The following EYS variants were observed in gnomAD, a reference collection of about 807,000 sequenced individuals.
EYS encodes the protein EGF-like photoreceptor maintenance factor.
EYS carries 250 observed loss-of-function variants against 282.1 expected under a neutral mutation model. That is an observed-to-expected ratio of 0.89 (90% CI 0.80 to 0.98). EYS has a LOEUF of 0.98. Among genes scored for constraint, EYS ranks in the 50% least tolerant of loss-of-function variants. The pLI is 0.00. For synonymous variants in EYS, 1,355 were observed against 1,282.9 expected (o/e 1.06, Z -1.20); for missense variants, 4,016 against 3,709.0 (o/e 1.08, Z -2.15).
intron 14 of EYS, among the ~76,000 whole-genome samples, chr6:64,962,354 T>G (rs989323887): frequency 3.3e-5 from 5 of 152,146 alleles, no homozygotes; most frequent in Non-Finnish European, 7.3e-5. Flanking sequence ...AATTTATCTA[T>G]GTATCTCTTT....
At chr6:63,819,504 A>G (rs1771266090) in intron 36 of EYS, among the ~76,000 whole-genome samples, 1 of 152,192 alleles carries the variant, frequency 6.6e-6, no homozygotes, top group African/African-American at 2.4e-5. Flanking sequence ...GATTGTGGAA[A>G]ATATAGCACC....
At chr6:64,754,364 G>A (rs1006164325) in intron 22 of EYS, among the ~76,000 whole-genome samples, 9 of 136,468 alleles carry the variant, frequency 6.6e-5, no homozygotes, top group African/African-American at 2.5e-4. Context: ...CATCTCTCTG[G>A]AAAACCCAGG....
chr6:65,167,395 G>A (rs1764997861), intron 12 of EYS, among the ~76,000 whole-genome samples: 1 of 151,240 alleles, frequency 6.6e-6, no homozygotes, highest in South Asian at 2.1e-4. Flanking sequence ...ATAGTGGCAA[G>A]GATTGCACAA....
In EYS at chr6:63,786,171, A is replaced by T. The variant is rs546008870; in HGVS notation, c.7723+1934T>A. 2.4e-4 allele frequency: 36 copies of T among 147,812 alleles called. 1 individual carries two copies. The highest frequency in any genetic ancestry group is 2.1e-3 in the Admixed American group (31 of 14,488). The allele number at this position is 147,812 out of a possible 1,614,324, so 9.2% of individuals were successfully genotyped here. A position where few individuals can be genotyped will look rare whatever the true frequency, so the allele number is the denominator to read the frequency against. On this transcript the variant is annotated intron_variant, in intron 39 of 42. Transcript: ENST00000503581. The stretch of plus-strand genomic sequence containing the variant: ...GGTTGCAGTGAGCTGAGATGGCACC[A>T]CTGTACTCCAGCCTTGATGACACAG...
intron 2 of EYS, among the ~76,000 whole-genome samples, chr6:65,555,656 T>C (rs1768771725): frequency 6.6e-6 from 1 of 152,188 alleles, no homozygotes; most frequent in Non-Finnish European, 1.5e-5. Context: ...CACTTCATTA[T>C]TGTCTAGCCG....
intron 12 of EYS, among the ~76,000 whole-genome samples, chr6:65,060,456 G>A (rs552931722): frequency 1.3e-5 from 2 of 151,938 alleles, no homozygotes; most frequent in East Asian, 3.9e-4. Context: ...CAAATTTAGA[G>A]GATGATGTAA....
chr6:64,912,173 G>T (rs914891062), intron 16 of EYS, among the ~76,000 whole-genome samples: 1 of 151,764 alleles, frequency 6.6e-6, no homozygotes, highest in Admixed American at 6.6e-5. Context: ...AACACTACAT[G>T]AACAGGATTG....
chr6:65,228,510 T>A (rs1012428796), intron 12 of EYS, among the ~76,000 whole-genome samples: 1 of 151,994 alleles, frequency 6.6e-6, no homozygotes, highest in African/African-American at 2.4e-5. Flanking sequence ...ACTTTTCCTC[T>A]TTTACACTAT....
chr6:64,236,596 C>CT (rs1212976850), intron 30 of EYS, among the ~76,000 whole-genome samples: 1 of 151,894 alleles, frequency 6.6e-6, no homozygotes, highest in Admixed American at 6.6e-5. Flanking sequence ...ATTCGTTTTT[C>CT]TTTTTTTGAC....
chr6:65,696,834 G>T (rs1769474044), intron 1 of EYS, among the ~76,000 whole-genome samples: 1 of 151,866 alleles, frequency 6.6e-6, no homozygotes, highest in Non-Finnish European at 1.5e-5. Flanking sequence ...TATTTCTAAA[G>T]AAAATTTAAA....
In EYS at chr6:64,355,992, C is replaced by T. The variant is rs1473102140; in HGVS notation, c.6078+32698G>A. 4.0e-5 allele frequency among the ~76,000 whole-genome samples: 6 copies of T among 151,574 alleles called. 1 individual carries two copies. The highest frequency in any genetic ancestry group is 3.3e-4 in the Admixed American group (5 of 15,190). On this transcript the variant is annotated intron_variant, in intron 29 of 42. Transcript: ENST00000503581. ...GTGCATTATCTCATTTACTCCTGAC[C>T]ACATGCCAATAAGTTTTCCCTTTCT...
intron 22 of EYS, among the ~76,000 whole-genome samples, chr6:64,729,915 G>T (rs879734283): frequency 1.3e-5 from 2 of 152,138 alleles, no homozygotes; most frequent in Non-Finnish European, 2.9e-5. Flanking sequence ...GTTTAGTTTT[G>T]TTATGCATGT....
At chr6:64,828,215 G>T (rs9354160) in intron 19 of EYS, among the ~76,000 whole-genome samples, 14,047 of 151,808 alleles carry the variant, frequency 0.093, 861 homozygotes, top group East Asian at 0.33. Flanking sequence ...GAAACACCTG[G>T]AGGTAAAAAG....
At chr6:63,743,132 T>A (rs905181004) in intron 41 of EYS, among the ~76,000 whole-genome samples, 7 of 152,200 alleles carry the variant, frequency 4.6e-5, no homozygotes, top group African/African-American at 1.4e-4. Context: ...CCTGCCAGCA[T>A]TTGGCATTGT....
At chr6:64,146,023 AT>A (rs369277120) in intron 31 of EYS, among the ~76,000 whole-genome samples, 2,162 of 150,070 alleles carry the variant, frequency 0.014, 42 homozygotes, top group African/African-American at 0.048. Context: ...AAAATATACC[AT>A]TTTTTTTTCA....
chr6:65,665,440 G>GATGAATTCCT (rs1768163300), intron 1 of EYS, among the ~76,000 whole-genome samples: 1 of 152,108 alleles, frequency 6.6e-6, no homozygotes, highest in Admixed American at 6.6e-5. Context: ...TGTGGGAAAC[G>GATGAATTCCT]ATGAATTCCT....
At chr6:64,543,807 A>C (rs1764761539) in intron 26 of EYS, among the ~76,000 whole-genome samples, 1 of 152,194 alleles carries the variant, frequency 6.6e-6, no homozygotes, top group Non-Finnish European at 1.5e-5. Context: ...CATATCATAG[A>C]AACTTGTGAG....
intron 12 of EYS, among the ~76,000 whole-genome samples, chr6:65,134,011 C>T (rs764102452): frequency 6.6e-6 from 1 of 151,972 alleles, no homozygotes; most frequent in Non-Finnish European, 1.5e-5. Context: ...ATAAAAAAAT[C>T]TTAATATAAC....
intron 11 of EYS, chr6:65,331,022 T>C: frequency 6.1e-6 from 6 of 984,402 alleles, no homozygotes; most frequent in Non-Finnish European, 7.2e-6. Flanking sequence ...TGACCCATTA[T>C]TATTTTTTTT....
Sources: gnomAD v4.1 joint callset for allele counts (sites outside exome capture counted in the v4.1 genomes callset) on GRCh38, gnomAD v4.1.1 for gene constraint, MANE v1.5 for transcripts, NCBI Gene and HGNC (gene_info 2026-07-23, HGNC 2026-07-21) for gene names.